Variants in ATL2 observed in about 807,000 individuals in gnomAD.
ATL2 encodes atlastin-2.
A neutral mutation model predicts 73.9 loss-of-function variants in ATL2; 31 were observed. The observed-to-expected ratio is 0.42, with a 90% confidence interval of 0.32 to 0.57. The LOEUF is 0.57. ATL2 is among the 20% of genes least tolerant of loss of function. The pLI is 0.14. For synonymous variants in ATL2, 291 were observed against 237.5 expected, an observed-to-expected ratio of 1.23 and a Z score of -2.07; for missense variants, 738 against 702.6, an observed-to-expected ratio of 1.05 and a Z score of -0.57.
At chr2:38,331,006 A>C in intron 2 of ATL2, among the ~76,000 whole-genome samples, 1 of 152,348 alleles carries the variant, frequency 6.6e-6, no homozygotes, top group East Asian at 1.9e-4. Flanking sequence ...TGATACTGGT[A>C]TAAGAACAAG....
chr2:38,298,665 A>C (rs939527115), intron 11 of ATL2, 90 bp from the exon 12 acceptor site: 2 of 1,325,110 alleles, frequency 1.5e-6, no homozygotes, highest in Admixed American at 4.5e-5. Flanking sequence ...CAGAAAGTCA[A>C]ACCACTTACA....
At position 38,298,483 on chromosome 2, in the gene ATL2, T is replaced by C; in HGVS notation, c.1293A>G (p.Ser431=). 1 of 1,614,216 alleles carries C rather than the reference T, an allele frequency of 6.2e-7. No individual in the cohort carries two copies. Among genetic ancestry groups the C allele is most frequent in the Non-Finnish European group, 8.5e-7 (1 of 1,180,012 alleles). The part of the protein sequence containing the change: ...LKEVAIKQFR[S]VKKMGGDEFC... Reference sequence around the variant, plus strand: ...ACTCATCTCCACCCATCTTTTTTACTGAACGAAATTGTTTTATCGCCACTT... The same window carrying C: ...ACTCATCTCCACCCATCTTTTTTACCGAACGAAATTGTTTTATCGCCACTT... The change falls in exon 12 of 13, where the codon TCA becomes TCG. Residue 431 remains serine (S), a synonymous_variant. Transcript: ENST00000378954.
chr2:38,359,282 C>A (rs1233925179), intron 1 of ATL2, among the ~76,000 whole-genome samples: 1 of 151,896 alleles, frequency 6.6e-6, no homozygotes, highest in Non-Finnish European at 1.5e-5. Flanking sequence ...CCAGCCTGGC[C>A]AACATGGTGA....
chr2:38,340,399 G>C (rs974047516), intron 2 of ATL2, among the ~76,000 whole-genome samples: 2 of 151,084 alleles, frequency 1.3e-5, no homozygotes, highest in African/African-American at 4.9e-5. Context: ...AAGCAAATAA[G>C]AATTAGAAGT....
chr2:38,339,680 T>C (rs1213649549), intron 2 of ATL2, among the ~76,000 whole-genome samples: 1 of 152,008 alleles, frequency 6.6e-6, no homozygotes, highest in Admixed American at 6.6e-5. Flanking sequence ...CAGCAGAATA[T>C]TTATTTTTAT....
intron 1 of ATL2, among the ~76,000 whole-genome samples, chr2:38,357,888 T>C (rs73931210): frequency 0.058 from 8,898 of 152,122 alleles, 869 homozygotes; most frequent in African/African-American, 0.2. Flanking sequence ...TGCAGCCCAA[T>C]TTACTCATTT....
chr2:38,298,467 C>T lies in ATL2; in HGVS notation c.1309G>A (p.Gly437Arg), dbSNP rs753237588. ...KQFRSVKKMG[G>R]DEFCRRYQDQ... ...TGATAACGACGGCAGAACTCATCTC[C>T]ACCCATCTTTTTTACTGAACGAAAT... The change falls in exon 12 of 13, where the codon GGA becomes AGA. Residue 437 changes from glycine to arginine, a missense_variant. Transcript: ENST00000378954. 1.2e-5 allele frequency: 19 copies of T among 1,614,048 alleles called. No individual in the cohort carries two copies. The highest frequency in any genetic ancestry group is 1.5e-5 in the Non-Finnish European group (18 of 1,180,026).
intron 11 of ATL2, 54 bp downstream of exon 11, chr2:38,299,202 T>A: frequency 1.4e-6 from 2 of 1,429,502 alleles, no homozygotes. Context: ...TTTTTTTTTT[T>A]TTAATTTAAA....
In ATL2 at chr2:38,323,080, A is replaced by C. The variant is rs575340627; in HGVS notation, c.364-4061T>G. 2.0e-5 allele frequency among the ~76,000 whole-genome samples: 3 copies of C among 152,218 alleles called. No homozygotes were observed. The South Asian group carries it at 6.2e-4, about 32-fold the overall frequency. On this transcript the variant is annotated intron_variant, in intron 2 of 12. Coordinates refer to ENST00000378954, the MANE Select transcript of ATL2 (RefSeq NM_001135673.4). ...TAGGGATACAGCAGTGAACAAGAAT[A>C]AACATTCCTGCCCACAAAGAGAATT...
intron 1 of ATL2, among the ~76,000 whole-genome samples, chr2:38,360,710 G>C (rs997033097): frequency 6.6e-6 from 1 of 152,136 alleles, no homozygotes; most frequent in Non-Finnish European, 1.5e-5. Flanking sequence ...AAAAAAAAGG[G>C]TCTTAGACGG....
At chr2:38,316,342 C>T (rs1301630116) in intron 4 of ATL2, among the ~76,000 whole-genome samples, 1 of 152,142 alleles carries the variant, frequency 6.6e-6, no homozygotes, top group East Asian at 1.9e-4. Flanking sequence ...CCTATGTGGG[C>T]CTCTGCTTTT....
intron 9 of ATL2, among the ~76,000 whole-genome samples, chr2:38,309,079 T>A (rs1667603384): frequency 6.6e-6 from 1 of 152,166 alleles, no homozygotes; most frequent in African/African-American, 2.4e-5. Flanking sequence ...CCTATTATCA[T>A]TCACTAATGA....
chr2:38,311,507 T>C (rs995023440), intron 7 of ATL2, among the ~76,000 whole-genome samples: 1 of 152,206 alleles, frequency 6.6e-6, no homozygotes, highest in South Asian at 2.1e-4. Context: ...ATTCATTCAA[T>C]AGATACTATA....
intron 2 of ATL2, among the ~76,000 whole-genome samples, chr2:38,340,318 A>C (rs1434095457): frequency 2.6e-5 from 4 of 152,042 alleles, no homozygotes; most frequent in Admixed American, 1.3e-4. Flanking sequence ...CCTTTTCTGC[A>C]TGTAAATTAT....
intron 1 of ATL2, among the ~76,000 whole-genome samples, chr2:38,353,285 T>C (rs1670464715): frequency 6.6e-6 from 1 of 152,156 alleles, no homozygotes; most frequent in African/African-American, 2.4e-5. Context: ...ATGAAAATTC[T>C]AGAACTGACA....
intron 1 of ATL2, chr2:38,376,077 C>T: frequency 7.0e-7 from 1 of 1,421,920 alleles, no homozygotes; most frequent in Non-Finnish European, 9.3e-7. Context: ...GAGCTCGTAT[C>T]TGTATTTAAT....
intron 2 of ATL2, among the ~76,000 whole-genome samples, chr2:38,328,162 G>A (rs139859590): frequency 2.6e-5 from 4 of 152,170 alleles, no homozygotes; most frequent in Admixed American, 2.0e-4. Flanking sequence ...CAAAGATTAA[G>A]AGTTGCATTA....
Position 38,368,857 on chromosome 2 carries a change from G to C in ATL2, c.118+8286C>G, listed in dbSNP as rs1233766859. ...TGTAATCCCAGCACTGAGAGGTGGAGGTTGGAGGATCGCTTAACCCCAGGA... is the reference window on the plus strand; with the variant it reads ...TGTAATCCCAGCACTGAGAGGTGGACGTTGGAGGATCGCTTAACCCCAGGA... On this transcript the variant is annotated intron_variant, in intron 1 of 12. Coordinates refer to ENST00000378954, the MANE Select transcript of ATL2 (RefSeq NM_001135673.4). Among the ~76,000 whole-genome samples the C allele has an allele frequency of 2.0e-4, 31 of 152,110 alleles. 1 individual carries two copies. The highest frequency in any genetic ancestry group is 2.0e-3 in the Admixed American group (31 of 15,268).
intron 1 of ATL2, among the ~76,000 whole-genome samples, chr2:38,344,029 T>TGG (rs1669881225): frequency 1.3e-5 from 2 of 152,156 alleles, no homozygotes; most frequent in Admixed American, 6.5e-5. Context: ...ATGTCTTTAT[T>TGG]ACCAGCATGA....
Sources: gnomAD v4.1 joint callset for allele counts (sites outside exome capture counted in the v4.1 genomes callset) on GRCh38, gnomAD v4.1.1 for gene constraint, MANE v1.5 for transcripts, NCBI Gene and HGNC (gene_info 2026-07-23, HGNC 2026-07-21) for gene names.